The following TACC2 variants were observed in gnomAD, a reference collection of about 807,000 sequenced individuals.
TACC2 encodes transforming acidic coiled-coil containing protein 2, also known as transforming acidic coiled-coil-containing protein 2.
Under a neutral mutation model 227.3 loss-of-function variants are expected in TACC2, and 137 were observed. The observed-to-expected ratio is 0.60, with a 90% CI of 0.52 to 0.69. The LOEUF is 0.69. Ranked by LOEUF, TACC2 falls within the 30% of genes least tolerant of loss-of-function variation. The pLI is 0.00. For missense variants in TACC2, 3,470 were observed against 3,694.4 expected (o/e 0.94, Z 1.57); for synonymous variants, 1,523 against 1,487.5 (o/e 1.02, Z -0.55).
chr10:122,068,452 C>G (rs1468359996), intron 3 of TACC2, among the ~76,000 whole-genome samples: 1 of 152,056 alleles, frequency 6.6e-6, no homozygotes, highest in African/African-American at 2.4e-5. Flanking sequence ...CTCTGGGATG[C>G]AGTTAAGTTA....
chr10:122,171,629 A>G (rs1447150600), intron 7 of TACC2, among the ~76,000 whole-genome samples: 1 of 152,264 alleles, frequency 6.6e-6, no homozygotes, highest in Admixed American at 6.5e-5. Flanking sequence ...CCGGCTAGTC[A>G]TTATTCAAAA....
chr10:122,112,143 G>A (rs1041533128), intron 5 of TACC2, among the ~76,000 whole-genome samples: 1 of 152,096 alleles, frequency 6.6e-6, no homozygotes, highest in African/African-American at 2.4e-5. Flanking sequence ...ATAATCTATA[G>A]CAGTGCTTTC....
intron 3 of TACC2, among the ~76,000 whole-genome samples, chr10:122,066,591 T>C (rs2077417988): frequency 6.6e-6 from 1 of 152,042 alleles, no homozygotes; most frequent in African/African-American, 2.4e-5. Context: ...TCAGTAGAGA[T>C]GGGGTTTCAC....
rs1260324024 is a variant in TACC2 at position 122,210,332 on chromosome 10, C to T, written c.5972-65C>T. On this transcript the variant is annotated intron_variant, in intron 8 of 22. Coordinates refer to ENST00000369005, the MANE Select transcript of TACC2 (RefSeq NM_206862.4). This position sits in a 1 kb window ranked among gnomAD's most constrained non-coding sequence, Gnocchi z 4.6. ...TACGCTGGAGGGTGATGTTTTGGTA[C>T]AAGAGGAGAGGTGCCCCAATGCGTC... 1 of 1,302,516 alleles carries T rather than the reference C, an allele frequency of 7.7e-7. No individual in the cohort carries two copies. The highest frequency in any genetic ancestry group is 1.2e-5 in the South Asian group (1 of 82,936). 80.7% of individuals were successfully genotyped at this position (1,302,516 alleles called of 1,614,324 possible).
chr10:122,022,271 T>C (rs1957425476), intron 2 of TACC2: 1 of 395,210 alleles, frequency 2.5e-6, no homozygotes, highest in Non-Finnish European at 4.6e-6. Context: ...AGACATGGTC[T>C]TGCTCTGTCA....
At chr10:122,038,119 G>A (rs1960990763) in intron 2 of TACC2, among the ~76,000 whole-genome samples, 2 of 152,148 alleles carry the variant, frequency 1.3e-5, no homozygotes, top group African/African-American at 4.8e-5. Flanking sequence ...AATTAGCAGG[G>A]TGTGGTGGTG....
intron 7 of TACC2, among the ~76,000 whole-genome samples, chr10:122,164,305 G>A (rs1430773211): frequency 6.6e-6 from 1 of 152,232 alleles, no homozygotes; most frequent in South Asian, 2.1e-4. Context: ...TTTCCTGCAA[G>A]GGAACAGCCA....
chr10:122,082,927 G>GC lies in TACC2; in HGVS notation c.431dup (p.Asn145LysfsTer13), dbSNP rs757693244. 1 of 1,613,044 alleles carries GC rather than the reference G, an allele frequency of 6.2e-7. No individual in the cohort carries two copies. The highest frequency in any genetic ancestry group is 1.3e-5 in the African/African-American group (1 of 75,044). On this transcript the variant is annotated frameshift_variant, in exon 4 of 23. Transcript: ENST00000369005. LOFTEE classifies it high-confidence loss of function. ...GACTCAGTCTCCCAGGAGGGAACCTGCCCCAAATGCCCCAGGAGACATCGC... is the reference window on the plus strand; with the variant it reads ...GACTCAGTCTCCCAGGAGGGAACCTGCCCCCAAATGCCCCAGGAGACATCGC...
At chr10:122,211,817 G>A (rs1254021084) in intron 9 of TACC2, 109 bp downstream of exon 9, 1 of 915,732 alleles carries the variant, frequency 1.1e-6, no homozygotes, top group Non-Finnish European at 1.6e-6. Context: ...TTGCCCCTGG[G>A]TGCTGTGATG....
In TACC2 at chr10:122,087,696, A is replaced by G. The variant is rs758665794; in HGVS notation, c.5196A>G (p.Thr1732=). ...TGCCTGAAGCAGGTACTACGAGGAC[A>G]TTCTCCGTTGTGGCAGGTGACTTGG... is the stretch of plus-strand genomic sequence containing the variant. ...GDLPEAGTTR[T]FSVVAGDLVL... is the part of the protein sequence containing the mutation. The change falls in exon 4 of 23, where the codon ACA becomes ACG. Residue 1732 remains threonine, a synonymous_variant. Transcript: ENST00000369005. 5.6e-6 allele frequency: 9 copies of G among 1,613,204 alleles called. No homozygotes were observed. Among genetic ancestry groups the G allele is most frequent in the Non-Finnish European group, 7.6e-6 (9 of 1,179,966 alleles).
chr10:122,028,562 A>G (rs1051873626), intron 2 of TACC2, among the ~76,000 whole-genome samples: 2 of 151,946 alleles, frequency 1.3e-5, no homozygotes, highest in Non-Finnish European at 2.9e-5. Flanking sequence ...TTGCATGCTG[A>G]TTTTGTATCC....
At chr10:122,161,863 G>A (rs1300406087) in intron 7 of TACC2, among the ~76,000 whole-genome samples, 2 of 152,202 alleles carry the variant, frequency 1.3e-5, no homozygotes, top group South Asian at 2.1e-4. Flanking sequence ...TCAGCTCCAC[G>A]TGGTAAGCTT....
At chr10:122,221,880 C>G (rs1467448779) in intron 11 of TACC2, among the ~76,000 whole-genome samples, 2 of 152,226 alleles carry the variant, frequency 1.3e-5, no homozygotes, top group African/African-American at 4.8e-5. Context: ...GACTCAGTGG[C>G]ATCCTTCTGG....
intron 13 of TACC2, among the ~76,000 whole-genome samples, 194 bp from the exon 14 acceptor site, chr10:122,227,643 T>G (rs1259798882): frequency 6.6e-6 from 1 of 152,214 alleles, no homozygotes; most frequent in African/African-American, 2.4e-5. Flanking sequence ...GCATCTGTGC[T>G]TCTGCCCCTC....
chr10:122,061,025 G>GGC (rs1223669462), intron 3 of TACC2, among the ~76,000 whole-genome samples: 50 of 14,064 alleles, frequency 3.6e-3, no homozygotes, highest in African/African-American at 5.2e-3. Context: ...AAAAAGGGGG[G>GGC]GGGGCCAGGC....
At chr10:122,113,387 C>T (rs1248618370) in intron 5 of TACC2, among the ~76,000 whole-genome samples, 2 of 152,242 alleles carry the variant, frequency 1.3e-5, no homozygotes, top group East Asian at 1.9e-4. Context: ...GCTAACTGCA[C>T]ATTCGGTCCC....
rs751529875 is a variant in TACC2, at chr10:122,227,879, G to A, written c.7767G>A (p.Ala2589=). Residue 2589 remains alanine, a synonymous_variant, in exon 14 of 23, where the codon GCG becomes GCA. Transcript: ENST00000369005. ...EETEALVNTA[A]KNQHPVPRGL... is the part of the protein sequence containing the mutation. Reference sequence around the variant, plus strand: ...CTGAAGCCCTTGTGAACACTGCTGCGAAAAACCAGCATCCTGTCCCACGAG... The same window carrying A: ...CTGAAGCCCTTGTGAACACTGCTGCAAAAAACCAGCATCCTGTCCCACGAG... 9.9e-6 allele frequency: 16 copies of A among 1,614,054 alleles called. No homozygotes were observed. The highest frequency in any genetic ancestry group is 2.7e-5 in the African/African-American group (2 of 74,926).
At chr10:122,181,891 A>G (rs1366909811) in intron 7 of TACC2, among the ~76,000 whole-genome samples, 1 of 152,002 alleles carries the variant, frequency 6.6e-6, no homozygotes, top group East Asian at 1.9e-4. Context: ...TTTTTTTATC[A>G]TGTAAAGAGG....
chr10:122,055,711 TAA>T (rs1272779362), intron 3 of TACC2, among the ~76,000 whole-genome samples: 3 of 152,074 alleles, frequency 2.0e-5, no homozygotes, highest in Non-Finnish European at 2.9e-5. Context: ...GAACGCAAAA[TAA>T]AAGTTTATGA....
Sources: allele counts gnomAD v4.1 joint callset (sites outside exome capture counted in the v4.1 genomes callset), GRCh38; gene constraint gnomAD v4.1.1; non-coding constraint Gnocchi (gnomAD v3.1); transcripts MANE v1.5; gene names NCBI Gene and HGNC (gene_info 2026-07-23, HGNC 2026-07-21).